The following SDK1 variants were observed in gnomAD, a reference collection of about 807,000 sequenced individuals.
SDK1 encodes protein sidekick-1.
In SDK1, 157 loss-of-function variants were observed where a neutral mutation model predicts 245.5. That is an observed-to-expected ratio of 0.64 (90% CI 0.56 to 0.73). The LOEUF (loss-of-function observed/expected upper bound fraction) is 0.73, where lower values mean the gene tolerates loss of function less well. Ranked by LOEUF, SDK1 falls within the 30% of genes least tolerant of loss-of-function variation. The pLI, the probability that SDK1 is intolerant of heterozygous loss-of-function variation, is 0.00. For synonymous variants in SDK1, 1,647 were observed against 1,278.5 expected (o/e 1.29, Z -6.15); for missense variants, 3,583 against 3,002.3 (o/e 1.19, Z -4.52).
At chr7:3,520,835 A>G (rs528879597) in intron 1 of SDK1, among the ~76,000 whole-genome samples, 1 of 152,178 alleles carries the variant, frequency 6.6e-6, no homozygotes, top group African/African-American at 2.4e-5. Flanking sequence ...GCACAGCCAT[A>G]TTTGTGAGTG....
intron 1 of SDK1, among the ~76,000 whole-genome samples, chr7:3,368,331 A>C (rs1481710769): frequency 6.6e-6 from 1 of 152,200 alleles, no homozygotes; most frequent in Non-Finnish European, 1.5e-5. Flanking sequence ...TTGTTCTCCC[A>C]TTAGGCTGCT....
At chr7:3,451,015 G>A (rs1489936268) in intron 1 of SDK1, among the ~76,000 whole-genome samples, 5 of 152,114 alleles carry the variant, frequency 3.3e-5, no homozygotes, top group Non-Finnish European at 7.4e-5. Context: ...CCTCAAACCT[G>A]TCTCCTGGGT....
At chr7:3,810,136 G>T (rs1214936939) in intron 4 of SDK1, among the ~76,000 whole-genome samples, 1 of 152,120 alleles carries the variant, frequency 6.6e-6, no homozygotes, top group Non-Finnish European at 1.5e-5. Context: ...GAGTATCCTG[G>T]GGAGAGGAGG....
intron 1 of SDK1, among the ~76,000 whole-genome samples, chr7:3,450,523 C>G (rs374734663): frequency 6.6e-6 from 1 of 152,056 alleles, no homozygotes; most frequent in South Asian, 2.1e-4. Context: ...TAGGATGATA[C>G]GTAGATTTCT....
At chr7:3,441,313 G>A (rs938931203) in intron 1 of SDK1, among the ~76,000 whole-genome samples, 2 of 152,006 alleles carry the variant, frequency 1.3e-5, no homozygotes, top group African/African-American at 2.4e-5. Context: ...ATTGACTGGG[G>A]CCTTTGAATG....
At position 3,958,972 on chromosome 7, in the gene SDK1, G is replaced by C. The variant is rs752828919; in HGVS notation, c.1192G>C (p.Ala398Pro). Reference sequence around the variant, plus strand: ...TGCTGAGCCCGAGAGTCGGATTTCAGCTGAAGTAGAAGAAACTGTGGACAT... The same window carrying C: ...TGCTGAGCCCGAGAGTCGGATTTCACCTGAAGTAGAAGAAACTGTGGACAT... ...FTAEPESRIS[A>P]EVEETVDIGC... is the part of the protein sequence containing the mutation. The change falls in exon 8 of 45, where the codon GCT becomes CCT. Residue 398 changes from alanine to proline, a missense_variant. By Grantham distance (27) the Ala-to-Pro change is conservative. Transcript: ENST00000404826. 5 of 1,614,106 alleles carry C rather than the reference G, an allele frequency of 3.1e-6. No individual in the cohort carries two copies. In the South Asian group the frequency reaches 4.4e-5, roughly 14 times the overall value.
chr7:4,145,124 G>A lies in SDK1; in HGVS notation c.4229-598G>A, dbSNP rs1366630901. On this transcript the variant is annotated intron_variant, in intron 28 of 44. Transcript: ENST00000404826. ...CTCCCTCAACTGGGCAGCACAGGGG[G>A]ATTCTGTAAGCAGAGCTGCCCTGGC... Among the ~76,000 whole-genome samples, 4 of 152,318 alleles carry A rather than the reference G, an allele frequency of 2.6e-5. No homozygotes were observed. The East Asian group carries it at 5.8e-4, about 22-fold the overall frequency.
chr7:3,925,121 C>T (rs573703287), intron 5 of SDK1, among the ~76,000 whole-genome samples: 10 of 152,202 alleles, frequency 6.6e-5, no homozygotes, highest in African/African-American at 2.4e-4. Flanking sequence ...CAACCCCAGA[C>T]ACCCCACTCC....
chr7:3,357,119 A>G (rs908688258), intron 1 of SDK1, among the ~76,000 whole-genome samples: 3 of 151,042 alleles, frequency 2.0e-5, no homozygotes, highest in Non-Finnish European at 4.4e-5. Context: ...ATCTAAACTC[A>G]TCAGAAAAAT....
intron 14 of SDK1, among the ~76,000 whole-genome samples, chr7:4,010,117 C>G (rs2128148605): frequency 6.6e-6 from 1 of 152,346 alleles, no homozygotes; most frequent in South Asian, 2.1e-4. Context: ...AGAATTTCCC[C>G]CACCCAGGTT....
chr7:3,689,485 C>G (rs993490318), intron 4 of SDK1, among the ~76,000 whole-genome samples: 4 of 152,218 alleles, frequency 2.6e-5, no homozygotes, highest in African/African-American at 2.4e-5. Context: ...AGTTCTTGTA[C>G]TGGCTCTGGA....
intron 33 of SDK1, 122 bp from the exon 34 acceptor site, chr7:4,175,653 G>T: frequency 3.7e-6 from 3 of 821,504 alleles, no homozygotes; most frequent in Non-Finnish European, 6.4e-6. Flanking sequence ...CCCGGGAGGC[G>T]CAGCGTGGGA....
At chr7:3,859,312 G>T (rs369845136) in intron 5 of SDK1, among the ~76,000 whole-genome samples, 2 of 152,270 alleles carry the variant, frequency 1.3e-5, no homozygotes, top group African/African-American at 4.8e-5. Context: ...GGGGGCCTTT[G>T]CTCATGGCTT....
intron 4 of SDK1, among the ~76,000 whole-genome samples, chr7:3,692,286 C>A (rs1784458504): frequency 1.3e-5 from 2 of 151,996 alleles, no homozygotes; most frequent in South Asian, 4.2e-4. Flanking sequence ...TAAGATATCC[C>A]ACCAGCCCAA....
At chr7:3,534,938 C>G (rs934991761) in intron 1 of SDK1, among the ~76,000 whole-genome samples, 4 of 152,258 alleles carry the variant, frequency 2.6e-5, no homozygotes, top group South Asian at 2.1e-4. Flanking sequence ...GTGGACAGCT[C>G]ATTTGCATAA....
intron 1 of SDK1, among the ~76,000 whole-genome samples, chr7:3,535,131 C>A (rs1778840694): frequency 6.6e-6 from 1 of 152,098 alleles, no homozygotes; most frequent in Non-Finnish European, 1.5e-5. Flanking sequence ...AAAAAATTAG[C>A]TGGGCATGGT....
At chr7:3,673,160 C>T (rs555763527) in intron 4 of SDK1, among the ~76,000 whole-genome samples, 2 of 152,052 alleles carry the variant, frequency 1.3e-5, no homozygotes, top group African/African-American at 2.4e-5. Flanking sequence ...AAATGAGTTC[C>T]AAAGGGAATT....
At chr7:3,408,204 AT>A (rs985682979) in intron 1 of SDK1, among the ~76,000 whole-genome samples, 16 of 149,264 alleles carry the variant, frequency 1.1e-4, no homozygotes, top group Non-Finnish European at 1.8e-4. Context: ...TGCCTGGCCA[AT>A]TTTTTTTTTC....
intron 4 of SDK1, among the ~76,000 whole-genome samples, chr7:3,658,573 A>G (rs1783259280): frequency 6.7e-6 from 1 of 148,862 alleles, no homozygotes. Flanking sequence ...GGTTTTTAGT[A>G]TATTCACACG....
Sources: gnomAD v4.1 joint callset for allele counts (sites outside exome capture counted in the v4.1 genomes callset) on GRCh38, gnomAD v4.1.1 for gene constraint, MANE v1.5 for transcripts, NCBI Gene and HGNC (gene_info 2026-07-23, HGNC 2026-07-21) for gene names.